NRG1: variants seen among roughly 807,000 people sequenced by gnomAD.
The protein encoded by NRG1 is pro-neuregulin-1, membrane-bound isoform.
In NRG1, 18 loss-of-function variants were observed where a neutral mutation model predicts 63.8. The observed-to-expected ratio is 0.28, with a 90% CI of 0.19 to 0.42. The LOEUF (loss-of-function observed/expected upper bound fraction) is 0.42, where lower values mean the gene tolerates loss of function less well. Ranked by LOEUF, NRG1 falls within the 10% of genes least tolerant of loss-of-function variation. NRG1 has a pLI of 1.00. For missense variants in NRG1, 762 were observed against 814.7 expected, an observed-to-expected ratio of 0.94 and a Z score of 0.79; for synonymous variants, 302 against 301.3, an observed-to-expected ratio of 1.00 and a Z score of -0.02.
At chr8:32,549,096 G>T (rs1264033718) in intron 1 of NRG1, among the ~76,000 whole-genome samples, 2 of 152,218 alleles carry the variant, frequency 1.3e-5, no homozygotes, top group Non-Finnish European at 2.9e-5. Context: ...GGAGCGCTTC[G>T]CTCCCTGGCA....
intron 3 of NRG1, among the ~76,000 whole-genome samples, chr8:32,608,005 A>G (rs1845556367): frequency 6.6e-6 from 1 of 152,046 alleles, no homozygotes; most frequent in South Asian, 2.1e-4. Context: ...GTATTAAAAA[A>G]GAATAAAAGA....
At chr8:32,470,516 C>A (rs1259059504) in intron 1 of NRG1, among the ~76,000 whole-genome samples, 1 of 152,052 alleles carries the variant, frequency 6.6e-6, no homozygotes, top group Admixed American at 6.5e-5. Flanking sequence ...GAAAAGGACT[C>A]TTTTTAACCT....
In NRG1 at chr8:31,728,292, C is replaced by T. The variant is rs562764931; in HGVS notation, c.37+88861C>T. The stretch of plus-strand genomic sequence containing the variant: ...CAGCCTGGCCAACATGGTGAAACCC[C>T]GTCTCTACTAAAAATACAAAAATTG... On this transcript the variant is annotated intron_variant, in intron 1 of 10. Coordinates refer to the NRG1 transcript ENST00000519301. Among the ~76,000 whole-genome samples the T allele has an allele frequency of 3.1e-4, 47 of 152,062 alleles. No individual in the cohort carries two copies. In the South Asian group the frequency reaches 7.3e-3, roughly 23 times the overall value.
chr8:32,344,602 A>ATT lies in NRG1; in HGVS notation c.38-251203_38-251202dup, dbSNP rs61448713. ...CAGGCACATGTCACTACACTCAGCTATTTTTTTTTTTTTTTTTTTTTTTTG... is the reference window on the plus strand; with the variant it reads ...CAGGCACATGTCACTACACTCAGCTATTTTTTTTTTTTTTTTTTTTTTTTTTG... On this transcript the variant is annotated intron_variant, in intron 1 of 10. Transcript: ENST00000519301. 6.8e-4 allele frequency among the ~76,000 whole-genome samples: 69 copies of ATT among 100,948 alleles called. 1 individual carries two copies. Among genetic ancestry groups the ATT allele is most frequent in the African/African-American group, 1.0e-3 (24 of 23,880 alleles). The allele number at this position is 100,948 out of a possible 152,430, so 66.2% of individuals were successfully genotyped here.
intron 1 of NRG1, among the ~76,000 whole-genome samples, chr8:31,694,743 C>A (rs1809884550): frequency 6.6e-6 from 1 of 152,162 alleles, no homozygotes; most frequent in Non-Finnish European, 1.5e-5. Flanking sequence ...GGCTACAATT[C>A]TCTTCTGAAA....
At chr8:32,547,166 A>T (rs1833156193), upstream of NRG1, among the ~76,000 whole-genome samples, 1 of 152,178 alleles carries the variant, frequency 6.6e-6, no homozygotes, top group African/African-American at 2.4e-5. Flanking sequence ...ACAATTCTGG[A>T]TCCTTCCGTG....
rs544710748 is a variant in NRG1, at chr8:31,810,980, G to A, written c.37+171549G>A. Among the ~76,000 whole-genome samples the A allele has an allele frequency of 6.6e-5, 10 of 152,300 alleles. No homozygotes were observed. In the East Asian group the frequency reaches 1.9e-3, roughly 29 times the overall value. On this transcript the variant is annotated intron_variant, in intron 1 of 10. Coordinates refer to the NRG1 transcript ENST00000519301. Reference sequence around the variant, plus strand: ...ATTTCTCCTCTGTTTTCTTTGTAGAGATCATGAATATCTTAAGCTTTATGG... The same window carrying A: ...ATTTCTCCTCTGTTTTCTTTGTAGAAATCATGAATATCTTAAGCTTTATGG...
intron 1 of NRG1, among the ~76,000 whole-genome samples, chr8:31,794,142 C>G (rs1481189703): frequency 6.6e-6 from 1 of 152,112 alleles, no homozygotes; most frequent in Non-Finnish European, 1.5e-5. Context: ...GTTTGTATTA[C>G]TTTCTCTCAG....
intron 1 of NRG1, among the ~76,000 whole-genome samples, chr8:32,271,263 C>T (rs1418390179): frequency 2.6e-5 from 4 of 152,058 alleles, no homozygotes; most frequent in Admixed American, 2.0e-4. Flanking sequence ...TTACATGAAA[C>T]CCTATATAGA....
At chr8:32,228,566 A>C (rs1846575032) in intron 1 of NRG1, among the ~76,000 whole-genome samples, 1 of 152,168 alleles carries the variant, frequency 6.6e-6, no homozygotes, top group South Asian at 2.1e-4. Context: ...AATTTTTCAC[A>C]TGTGAGTGTG....
At chr8:32,149,858 G>A (rs763502728) in intron 1 of NRG1, among the ~76,000 whole-genome samples, 44 of 152,164 alleles carry the variant, frequency 2.9e-4, no homozygotes, top group Non-Finnish European at 4.6e-4. Flanking sequence ...TATTTTGTCC[G>A]CTGTTGTACA....
intron 1 of NRG1, among the ~76,000 whole-genome samples, chr8:32,525,114 T>G (rs188586986): frequency 1.3e-5 from 2 of 152,250 alleles, no homozygotes; most frequent in African/African-American, 4.8e-5. Context: ...GGAAGGAAAT[T>G]ATGAGATGGG....
At chr8:32,497,343 A>G (rs535689845) in intron 1 of NRG1, among the ~76,000 whole-genome samples, 14 of 150,786 alleles carry the variant, frequency 9.3e-5, no homozygotes, top group African/African-American at 3.4e-4. Flanking sequence ...GCTACTTGGG[A>G]GGCTGAGGCA....
chr8:32,530,146 C>T (rs990950354), intron 1 of NRG1, among the ~76,000 whole-genome samples: 2 of 151,622 alleles, frequency 1.3e-5, no homozygotes, highest in Non-Finnish European at 1.5e-5. Context: ...CTCACTCTGT[C>T]GCCCAGGCTG....
chr8:32,024,332 T>C (rs1816912193), intron 1 of NRG1, among the ~76,000 whole-genome samples: 1 of 152,086 alleles, frequency 6.6e-6, no homozygotes, highest in African/African-American at 2.4e-5. Flanking sequence ...CAGATGAAAA[T>C]GAGCCCAAGC....
chr8:32,762,263 T>C (rs1311491278), intron 11 of NRG1, among the ~76,000 whole-genome samples: 1 of 152,126 alleles, frequency 6.6e-6, no homozygotes. Flanking sequence ...CCATTCTGTT[T>C]CAATCGTTTT....
rs73673900 is a variant in NRG1, at chr8:32,346,494, A to G, written c.38-249334A>G. Among the ~76,000 whole-genome samples, 406 of 151,760 alleles carry G rather than the reference A, an allele frequency of 2.7e-3. 4 individuals are homozygous for G. Among genetic ancestry groups the G allele is most frequent in the African/African-American group, 9.5e-3 (394 of 41,412 alleles). On this transcript the variant is annotated intron_variant, in intron 1 of 10. Coordinates refer to the NRG1 transcript ENST00000519301. ...ACAGCTACATCTAGATGGTCCACTT[A>G]CTACAGCCCCAGAATGGAAATTTCT... is the stretch of plus-strand genomic sequence containing the variant.
intron 6 of NRG1, among the ~76,000 whole-genome samples, chr8:32,731,957 G>C (rs1299709073): frequency 6.6e-6 from 1 of 152,180 alleles, no homozygotes; most frequent in Non-Finnish European, 1.5e-5. Context: ...AGTCTCTCTG[G>C]TCACCTAATC....
chr8:32,200,718 T>A (rs1369284267), intron 1 of NRG1, among the ~76,000 whole-genome samples: 1 of 152,202 alleles, frequency 6.6e-6, no homozygotes, highest in Non-Finnish European at 1.5e-5. Flanking sequence ...GCAGGCCTTC[T>A]AGAACTGGAA....
Sources: allele counts gnomAD v4.1 joint callset (sites outside exome capture counted in the v4.1 genomes callset), GRCh38; gene constraint gnomAD v4.1.1; transcripts MANE v1.5; gene names NCBI Gene and HGNC (gene_info 2026-07-23, HGNC 2026-07-21).